EXD2: variants seen among roughly 807,000 people sequenced by gnomAD.
The protein encoded by EXD2 is exonuclease 3'-5' domain containing 2.
EXD2 carries 40 observed loss-of-function variants against 62.5 expected under a neutral mutation model. The ratio of observed to expected loss-of-function variants is 0.64; its 90% CI spans 0.50 to 0.83. EXD2 has a LOEUF of 0.83. Among genes scored for constraint, EXD2 ranks in the 40% least tolerant of loss-of-function variants. The probability of loss-of-function intolerance (pLI) is 0.00; values close to 1 mark genes in which losing one functional copy is unlikely to be tolerated. For synonymous variants in EXD2, 239 were observed against 291.9 expected (o/e 0.82, Z 1.85); for missense variants, 671 against 761.8 (o/e 0.88, Z 1.40).
At position 69,229,006 on chromosome 14, in the gene EXD2, T is replaced by C; in HGVS notation, c.524T>C (p.Leu175Pro). 6.2e-7 allele frequency: 1 copy of C among 1,614,224 alleles called. No homozygotes were observed. The highest frequency in any genetic ancestry group is 8.5e-7 in the Non-Finnish European group (1 of 1,180,032). ...GGATGCTCAGAAGATGCCAGCAAGCTTCTGCAGGATTATGGCCTCGTTGTT... is the reference window on the plus strand; with the variant it reads ...GGATGCTCAGAAGATGCCAGCAAGCCTCTGCAGGATTATGGCCTCGTTGTT... Reference protein sequence around the residue: ...GVGCSEDASKLLQDYGLVVRG... With the variant: ...GVGCSEDASKPLQDYGLVVRG... Residue 175 changes from leucine (L) to proline (P), a missense_variant, in exon 4 of 10, where the codon CTT (leucine) becomes CCT (proline). By Grantham distance (98) the Leu-to-Pro change is moderately conservative (BLOSUM62 -3). Transcript: ENST00000685843.
intron 9 of EXD2, among the ~76,000 whole-genome samples, chr14:69,238,845 G>A (rs1416230474): frequency 1.3e-5 from 2 of 152,126 alleles, no homozygotes; most frequent in African/African-American, 4.8e-5. Context: ...AGGCTGCCCA[G>A]GCTGGTCTCA....
rs752300828 is a variant in EXD2 at position 69,230,489 on chromosome 14, A to G, written c.608A>G (p.Asn203Ser). The G allele has an allele frequency of 6.2e-7, 1 of 1,611,640 alleles. No individual in the cohort carries two copies. Among genetic ancestry groups the G allele is most frequent in the South Asian group, 1.1e-5 (1 of 90,770 alleles). Residue 203 changes from asparagine to serine, a missense_variant, in exon 5 of 10, where the codon AAT becomes AGT. Coordinates refer to ENST00000685843, the MANE Select transcript of EXD2 (RefSeq NM_001193360.2). ...AMRQRNNLLCNGLSLKSLAET... is the reference protein window; with the variant it reads ...AMRQRNNLLCSGLSLKSLAET... ...TCTTTTAGAAACAATTTGCTCTGTA[A>G]TGGGCTTAGCCTGAAGTCCCTCGCT...
intron 2 of EXD2, among the ~76,000 whole-genome samples, chr14:69,207,509 A>T (rs992550461): frequency 6.6e-6 from 1 of 152,280 alleles, no homozygotes; most frequent in South Asian, 2.1e-4. Context: ...AAAAAAATTT[A>T]AAGTTATTGA....
At chr14:69,230,322 C>T (rs752406632) in intron 4 of EXD2, 150 bp from the exon 5 acceptor site, 1 of 574,880 alleles carries the variant, frequency 1.7e-6, no homozygotes, top group Non-Finnish European at 3.1e-6. Flanking sequence ...TAAAGTGTTT[C>T]ACAAATAGAT....
At chr14:69,206,859 T>A (rs2042623564) in intron 2 of EXD2, among the ~76,000 whole-genome samples, 2 of 152,172 alleles carry the variant, frequency 1.3e-5, no homozygotes, top group Non-Finnish European at 2.9e-5. Flanking sequence ...TTAACTGTGT[T>A]TTACATTTTT....
intron 5 of EXD2, among the ~76,000 whole-genome samples, chr14:69,232,512 GC>G (rs1398627298): frequency 2.4e-4 from 36 of 152,166 alleles, no homozygotes; most frequent in African/African-American, 8.4e-4. Context: ...ATTCCCACCA[GC>G]AGTGTATGAG....
intron 4 of EXD2, 97 bp from the exon 5 acceptor site, chr14:69,230,375 G>T (rs2043526380): frequency 4.4e-6 from 3 of 682,784 alleles, no homozygotes; most frequent in Admixed American, 2.9e-5. Context: ...GATTCAGTAT[G>T]TTATCTCTGT....
Position 69,241,321 on chromosome 14 carries a change from A to AT in EXD2, c.*226dup, listed in dbSNP as rs2043977884. ...AACGGGCAGGGTCTTTTTTCCTCTC[A>AT]TTTTTGTGGACAAGAGAGGCCTTCG... On this transcript the variant is annotated 3_prime_UTR_variant, in exon 10 of 10. Transcript: ENST00000685843. 10 of 506,094 alleles carry AT rather than the reference A, an allele frequency of 2.0e-5. No individual in the cohort carries two copies. In the South Asian group the frequency reaches 3.4e-4, roughly 17 times the overall value. The allele number at this position is 506,094 out of a possible 1,614,324, so 31.4% of individuals were successfully genotyped here. A position where few individuals can be genotyped will look rare whatever the true frequency, so the allele number is the denominator to read the frequency against.
chr14:69,231,260 C>T (rs140004518), intron 5 of EXD2, among the ~76,000 whole-genome samples: 1 of 152,144 alleles, frequency 6.6e-6, no homozygotes. Flanking sequence ...CTTCCTTCTT[C>T]TCCTCAGAGG....
intron 1 of EXD2, among the ~76,000 whole-genome samples, chr14:69,198,709 T>A (rs1436322562): frequency 3.9e-5 from 6 of 152,236 alleles, no homozygotes; most frequent in African/African-American, 1.4e-4. Flanking sequence ...TGGCATCACT[T>A]AATGAGGATC....
intron 3 of EXD2, among the ~76,000 whole-genome samples, chr14:69,215,042 G>A (rs1325243426): frequency 6.6e-6 from 1 of 152,076 alleles, no homozygotes; most frequent in Non-Finnish European, 1.5e-5. Flanking sequence ...AGCACTTTGG[G>A]AGGCCAAGGT....
At chr14:69,230,926 A>G (rs1201583311) in intron 5 of EXD2, among the ~76,000 whole-genome samples, 1 of 152,032 alleles carries the variant, frequency 6.6e-6, no homozygotes, top group Admixed American at 6.6e-5. Flanking sequence ...GAGATTACAG[A>G]TGTGCACCAC....
At chr14:69,231,433 C>T (rs751103775) in intron 5 of EXD2, among the ~76,000 whole-genome samples, 10 of 152,142 alleles carry the variant, frequency 6.6e-5, no homozygotes, top group Admixed American at 1.3e-4. Flanking sequence ...CTTCTCTTCC[C>T]CATCCTCCCA....
chr14:69,217,084 G>T (rs1180953333), intron 3 of EXD2, among the ~76,000 whole-genome samples: 1 of 151,820 alleles, frequency 6.6e-6, no homozygotes, highest in Non-Finnish European at 1.5e-5. Context: ...ACATGTTCTC[G>T]CTCTGTTACC....
chr14:69,208,049 C>T (rs946705868), intron 2 of EXD2, among the ~76,000 whole-genome samples: 1 of 151,962 alleles, frequency 6.6e-6, no homozygotes, highest in Admixed American at 6.6e-5. Flanking sequence ...CAGGTGCCCA[C>T]CACCACGCCT....
chr14:69,206,597 A>G (rs183508823), intron 2 of EXD2, among the ~76,000 whole-genome samples: 1 of 150,388 alleles, frequency 6.6e-6, no homozygotes, highest in African/African-American at 2.5e-5. Context: ...CTCCCACCTC[A>G]GGCCCCCCAA....
chr14:69,233,997 C>A (rs2043682943), intron 5 of EXD2, among the ~76,000 whole-genome samples: 1 of 152,086 alleles, frequency 6.6e-6, no homozygotes, highest in Admixed American at 6.5e-5. Context: ...GAACTCCTGA[C>A]CTCAGGTGAT....
At chr14:69,204,279 G>A (rs186834979) in intron 2 of EXD2, among the ~76,000 whole-genome samples, 142 of 152,282 alleles carry the variant, frequency 9.3e-4, no homozygotes, top group African/African-American at 3.3e-3. Flanking sequence ...TTAGGTAGCC[G>A]TTGATATTTA....
At chr14:69,210,783 C>T (rs2042779699) in intron 3 of EXD2, among the ~76,000 whole-genome samples, 1 of 151,580 alleles carries the variant, frequency 6.6e-6, no homozygotes, top group African/African-American at 2.4e-5. Context: ...GCACTTCAGC[C>T]TGAGTGGCAG....
Sources: gnomAD v4.1 joint callset for allele counts (sites outside exome capture counted in the v4.1 genomes callset) on GRCh38, gnomAD v4.1.1 for gene constraint, MANE v1.5 for transcripts, NCBI Gene and HGNC (gene_info 2026-07-23, HGNC 2026-07-21) for gene names.